RPAP3: variants seen among roughly 807,000 people sequenced by gnomAD.
RPAP3 encodes the protein RNA polymerase II-associated protein 3.
A neutral mutation model predicts 88.8 loss-of-function variants in RPAP3; 58 were observed. The observed-to-expected ratio is 0.65, with a 90% CI of 0.53 to 0.81. RPAP3 has a LOEUF of 0.81. Ranked by LOEUF, RPAP3 falls within the 40% of genes least tolerant of loss-of-function variation. The pLI, the probability that RPAP3 is intolerant of heterozygous loss-of-function variation, is 0.00. For synonymous variants in RPAP3, 255 were observed against 259.9 expected, an observed-to-expected ratio of 0.98 and a Z score of 0.18; for missense variants, 751 against 764.3, an observed-to-expected ratio of 0.98 and a Z score of 0.20.
rs767080483 is a variant in RPAP3 at position 47,679,687 on chromosome 12, T to G, written c.1185+17A>C. ...TTCAGAAAATATGACCATGTTTGGG[T>G]GAAAAGAATACATTACCTTTTTAAT... On this transcript the variant is annotated intron_variant, in intron 11 of 16. Coordinates refer to ENST00000005386, the MANE Select transcript of RPAP3 (RefSeq NM_024604.3). 22 of 1,578,398 alleles carry G rather than the reference T, an allele frequency of 1.4e-5. No homozygotes were observed. Among genetic ancestry groups the G allele is most frequent in the Non-Finnish European group, 1.8e-5 (21 of 1,154,182 alleles).
At chr12:47,693,527 T>C (rs1460084425) in intron 5 of RPAP3, among the ~76,000 whole-genome samples, 3 of 152,210 alleles carry the variant, frequency 2.0e-5, no homozygotes, top group Non-Finnish European at 4.4e-5. Context: ...CCACAAACTT[T>C]CGTTTTGTAA....
At chr12:47,665,268 T>A (rs1365624044) in intron 16 of RPAP3, among the ~76,000 whole-genome samples, 1 of 151,600 alleles carries the variant, frequency 6.6e-6, no homozygotes, top group Non-Finnish European at 1.5e-5. Flanking sequence ...AGCTAATTTT[T>A]TTCTTTCTTT....
At chr12:47,679,467 G>C (rs1185411472) in intron 12 of RPAP3, 26 bp downstream of exon 12, 2 of 1,443,884 alleles carry the variant, frequency 1.4e-6, no homozygotes, top group East Asian at 4.6e-5. Flanking sequence ...TAAATGGCAA[G>C]GAAAAAATGA....
intron 5 of RPAP3, among the ~76,000 whole-genome samples, 191 bp from the exon 6 acceptor site, chr12:47,690,830 G>C (rs1257139230): frequency 6.6e-6 from 1 of 152,184 alleles, no homozygotes; most frequent in Non-Finnish European, 1.5e-5. Flanking sequence ...TTGTGGGTTT[G>C]ATTCTAGACC....
intron 12 of RPAP3, among the ~76,000 whole-genome samples, chr12:47,673,698 TG>T (rs1939047432): frequency 6.6e-6 from 1 of 152,118 alleles, no homozygotes; most frequent in African/African-American, 2.4e-5. Context: ...AAGAGGATCT[TG>T]ATCAGTCAGG....
At chr12:47,681,475 G>A (rs1405559554) in intron 10 of RPAP3, among the ~76,000 whole-genome samples, 2 of 152,184 alleles carry the variant, frequency 1.3e-5, no homozygotes, top group Non-Finnish European at 2.9e-5. Context: ...TAGCCAGAAT[G>A]TACTAAACAA....
intron 12 of RPAP3, among the ~76,000 whole-genome samples, chr12:47,672,900 T>G (rs1360852074): frequency 6.6e-6 from 1 of 152,216 alleles, no homozygotes; most frequent in Non-Finnish European, 1.5e-5. Context: ...CATGGGATAT[T>G]ACACATATCA....
intron 12 of RPAP3, among the ~76,000 whole-genome samples, chr12:47,678,374 G>C (rs1240916364): frequency 6.6e-6 from 1 of 152,156 alleles, no homozygotes; most frequent in Admixed American, 6.6e-5. Flanking sequence ...AAAAGCAATG[G>C]CAATGAAAGC....
intron 5 of RPAP3, 66 bp from the exon 6 acceptor site, chr12:47,690,705 A>C: frequency 8.5e-7 from 1 of 1,178,632 alleles, no homozygotes; most frequent in Non-Finnish European, 1.1e-6. Flanking sequence ...AAAACTTCAA[A>C]ATTTGTTTCT....
In RPAP3 at chr12:47,693,549, G is replaced by A. The variant is rs967335057; in HGVS notation, c.545+2727C>T. ...CTTTCGTTTTGTAAAAACAGTATCTGTGGACGCAATAAAGCGACACACAAC... is the reference window on the plus strand; with the variant it reads ...CTTTCGTTTTGTAAAAACAGTATCTATGGACGCAATAAAGCGACACACAAC... On this transcript the variant is annotated intron_variant, in intron 5 of 16. Transcript: ENST00000005386. Among the ~76,000 whole-genome samples, 10 of 152,222 alleles carry A rather than the reference G, an allele frequency of 6.6e-5. No individual in the cohort carries two copies. In the East Asian group the frequency reaches 7.7e-4, roughly 12 times the overall value.
chr12:47,679,190 CTGAACAA>C (rs1335596554), intron 12 of RPAP3, among the ~76,000 whole-genome samples: 1 of 152,064 alleles, frequency 6.6e-6, no homozygotes, highest in Non-Finnish European at 1.5e-5. Context: ...TAGGTGGGAA[CTGAACAA>C]TGAGATCACC....
chr12:47,689,404 A>G (rs1032062936), intron 6 of RPAP3, among the ~76,000 whole-genome samples: 4 of 152,110 alleles, frequency 2.6e-5, no homozygotes, highest in Non-Finnish European at 5.9e-5. Context: ...CAGTGGCGCA[A>G]TCTTGGCTCA....
chr12:47,673,735 T>TGA (rs1297127873), intron 12 of RPAP3, among the ~76,000 whole-genome samples: 2 of 151,866 alleles, frequency 1.3e-5, no homozygotes, highest in Non-Finnish European at 2.9e-5. Flanking sequence ...TTTTTAGGGG[T>TGA]GATGTCTTAA....
At position 47,661,556 on chromosome 12, in the gene RPAP3, T is replaced by A. The variant is rs1000720124; in HGVS notation, c.*1949A>T. 6.6e-6 allele frequency: 1 copy of A among 152,194 alleles called. No individual in the cohort carries two copies. The highest frequency in any genetic ancestry group is 2.4e-5 in the African/African-American group (1 of 41,452). 9.4% of individuals were successfully genotyped at this position (152,194 alleles called of 1,614,324 possible). A position where few individuals can be genotyped will look rare whatever the true frequency, so the allele number is the denominator to read the frequency against. ...ACTCAAGAAGTCTGAATCCAGAGCC[T>A]CTGGTCTTAAATCACTACATGAAAA... On this transcript the variant is annotated 3_prime_UTR_variant, in exon 17 of 17. Coordinates refer to ENST00000005386, the MANE Select transcript of RPAP3 (RefSeq NM_024604.3).
At chr12:47,692,065 G>A (rs7312135) in intron 5 of RPAP3, among the ~76,000 whole-genome samples, 25,238 of 152,142 alleles carry the variant, frequency 0.17, 2,659 homozygotes, top group Admixed American at 0.32. Context: ...CAGTAAACCA[G>A]TTCATAAATA....
At chr12:47,683,982 C>T (rs956922293) in intron 9 of RPAP3, among the ~76,000 whole-genome samples, 2 of 152,186 alleles carry the variant, frequency 1.3e-5, no homozygotes, top group Non-Finnish European at 2.9e-5. Context: ...ATATCTAATA[C>T]TACTGGGTTA....
At chr12:47,691,366 C>T (rs575911328) in intron 5 of RPAP3, among the ~76,000 whole-genome samples, 27 of 152,216 alleles carry the variant, frequency 1.8e-4, no homozygotes, top group Middle Eastern at 3.4e-3. Context: ...CATCTTCCTC[C>T]GCTAAAATCT....
chr12:47,667,789 G>T lies in RPAP3; in HGVS notation c.1776C>A (p.Asn592Lys), dbSNP rs771880756. The change falls in exon 15 of 17, where the codon AAC becomes AAA. Residue 592 changes from asparagine to lysine, a missense_variant. By Grantham distance (94) the Asn-to-Lys change is moderately conservative. Transcript: ENST00000005386. ...AGTCATGCAGAATTTTAACGATCTG[G>T]TTGAATACATCTGGATCCAGATTTT... ...FQKNLDPDVF[N>K]QIVKILHDFY... The T allele has an allele frequency of 1.2e-6, 2 of 1,606,158 alleles. No homozygotes were observed. Among genetic ancestry groups the T allele is most frequent in the Non-Finnish European group, 8.5e-7 (1 of 1,175,238 alleles).
rs1279458617 is a variant in RPAP3, at chr12:47,661,576, T to C, written c.*1929A>G. 2 of 152,226 alleles carry C rather than the reference T, an allele frequency of 1.3e-5. No homozygotes were observed. Among genetic ancestry groups the C allele is most frequent in the Non-Finnish European group, 2.9e-5 (2 of 68,036 alleles). The allele number at this position is 152,226 out of a possible 1,614,324, so 9.4% of individuals were successfully genotyped here. A position where few individuals can be genotyped will look rare whatever the true frequency, so the allele number is the denominator to read the frequency against. On this transcript the variant is annotated 3_prime_UTR_variant, in exon 17 of 17. Transcript: ENST00000005386. The stretch of plus-strand genomic sequence containing the variant: ...GAGCCTCTGGTCTTAAATCACTACA[T>C]GAAAATGTCTCTGGGGAGAAATCAG...
Sources: allele counts gnomAD v4.1 joint callset (sites outside exome capture counted in the v4.1 genomes callset), GRCh38; gene constraint gnomAD v4.1.1; transcripts MANE v1.5; gene names NCBI Gene and HGNC (gene_info 2026-07-23, HGNC 2026-07-21).